Variants in AKAP6 observed in about 807,000 individuals in gnomAD.
The protein encoded by AKAP6 is A-kinase anchoring protein 6, also known as A-kinase anchor protein 6.
In AKAP6, 58 loss-of-function variants were observed where a neutral mutation model predicts 188.5. The ratio of observed to expected loss-of-function variants is 0.31; its 90% CI spans 0.25 to 0.38. The LOEUF (loss-of-function observed/expected upper bound fraction) is 0.38, where lower values mean the gene tolerates loss of function less well. Ranked by LOEUF, AKAP6 falls within the 10% of genes least tolerant of loss-of-function variation. AKAP6 has a pLI of 1.00. For synonymous variants in AKAP6, 989 were observed against 998.6 expected, an observed-to-expected ratio of 0.99 and a Z score of 0.18; for missense variants, 2,710 against 2,740.0, an observed-to-expected ratio of 0.99 and a Z score of 0.24.
At chr14:32,632,804 G>C (rs1887331536) in intron 7 of AKAP6, among the ~76,000 whole-genome samples, 1 of 152,020 alleles carries the variant, frequency 6.6e-6, no homozygotes, top group African/African-American at 2.4e-5. Context: ...CCAAAGAAAG[G>C]CTTGGAAATG....
At chr14:32,547,804 A>G (rs1365668877) in intron 4 of AKAP6, among the ~76,000 whole-genome samples, 1 of 151,374 alleles carries the variant, frequency 6.6e-6, no homozygotes, top group East Asian at 1.9e-4. Flanking sequence ...TGGTCATGCC[A>G]CTGCACTCCA....
intron 9 of AKAP6, among the ~76,000 whole-genome samples, chr14:32,709,488 C>T (rs1890951868): frequency 6.6e-6 from 1 of 151,912 alleles, no homozygotes; most frequent in East Asian, 1.9e-4. Context: ...CCTGAATATT[C>T]CAAAGTTGAT....
At chr14:32,680,867 T>C (rs1222399251) in intron 8 of AKAP6, among the ~76,000 whole-genome samples, 1 of 152,202 alleles carries the variant, frequency 6.6e-6, no homozygotes, top group African/African-American at 2.4e-5. Context: ...CAGTTATGAA[T>C]ATATGTGATA....
At chr14:32,435,736 C>G (rs755787003) in intron 2 of AKAP6, among the ~76,000 whole-genome samples, 1 of 152,140 alleles carries the variant, frequency 6.6e-6, no homozygotes, top group East Asian at 1.9e-4. Flanking sequence ...GGATGTCTAT[C>G]ATGACTTTTC....
chr14:32,424,359 TCTG>T (rs1318221119), intron 1 of AKAP6, among the ~76,000 whole-genome samples: 1 of 152,004 alleles, frequency 6.6e-6, no homozygotes, highest in Non-Finnish European at 1.5e-5. Context: ...CACTCAATTA[TCTG>T]CTGATTCTCC....
chr14:32,417,645 A>T (rs1282468825), intron 1 of AKAP6, among the ~76,000 whole-genome samples: 1 of 152,196 alleles, frequency 6.6e-6, no homozygotes, highest in Admixed American at 6.5e-5. Flanking sequence ...GCTTAACTGT[A>T]GTGTAAAAAC....
intron 1 of AKAP6, among the ~76,000 whole-genome samples, chr14:32,373,790 C>T (rs547363013): frequency 2.0e-5 from 3 of 152,224 alleles, no homozygotes; most frequent in Admixed American, 6.5e-5. Context: ...TTTGCAAAGG[C>T]GGTTCCATAA....
chr14:32,666,900 C>G (rs568997919), intron 7 of AKAP6, among the ~76,000 whole-genome samples: 4 of 152,036 alleles, frequency 2.6e-5, no homozygotes, highest in East Asian at 1.9e-4. Context: ...ATGTAACTAG[C>G]CTTACACAGG....
At position 32,649,543 on chromosome 14, in the gene AKAP6, A is replaced by G. The variant is rs1210843545; in HGVS notation, c.2731-28768A>G. ...AAGTGAAAAGTTACAATAAACTCCA[A>G]TGTAATTTTGTTGTTATTTTGTGTT... On this transcript the variant is annotated intron_variant, in intron 7 of 13. Coordinates refer to ENST00000280979, the MANE Select transcript of AKAP6 (RefSeq NM_004274.5). Among the ~76,000 whole-genome samples the G allele has an allele frequency of 1.3e-5, 2 of 152,144 alleles. 1 individual carries two copies.
At chr14:32,800,049 C>CTG (rs148176143) in intron 12 of AKAP6, among the ~76,000 whole-genome samples, 8 of 121,452 alleles carry the variant, frequency 6.6e-5, no homozygotes, top group Non-Finnish European at 1.2e-4. Context: ...GTCTCTCTCT[C>CTG]TCTCTCTCTC....
intron 2 of AKAP6, among the ~76,000 whole-genome samples, chr14:32,454,133 A>G (rs1427419104): frequency 1.3e-5 from 2 of 152,196 alleles, no homozygotes; most frequent in African/African-American, 4.8e-5. Flanking sequence ...CCAGATGGCC[A>G]AGTCCTCTCA....
At chr14:32,479,850 T>C (rs1879249691) in intron 2 of AKAP6, among the ~76,000 whole-genome samples, 1 of 152,198 alleles carries the variant, frequency 6.6e-6, no homozygotes, top group African/African-American at 2.4e-5. Context: ...CACCTTGATC[T>C]GGGACTTCCC....
At chr14:32,769,403 C>T (rs2032827882) in intron 11 of AKAP6, among the ~76,000 whole-genome samples, 1 of 152,186 alleles carries the variant, frequency 6.6e-6, no homozygotes, top group South Asian at 2.1e-4. Flanking sequence ...CTTCCCTTCT[C>T]TCTCCAGCTA....
At position 32,463,699 on chromosome 14, in the gene AKAP6, C is replaced by T. The variant is rs559238640; in HGVS notation, c.324+29882C>T. Among the ~76,000 whole-genome samples the T allele has an allele frequency of 2.0e-5, 3 of 151,954 alleles. No individual in the cohort carries two copies. In the South Asian group the frequency reaches 6.2e-4, roughly 32 times the overall value. On this transcript the variant is annotated intron_variant, in intron 2 of 13. Transcript: ENST00000280979. ...CATCACAATAAAAGAACTAGAGAAG[C>T]AAGAACAAATTCCAAACCTAGAAGA...
At chr14:32,827,963 T>A (rs560716261) in intron 13 of AKAP6, among the ~76,000 whole-genome samples, 63 of 152,158 alleles carry the variant, frequency 4.1e-4, no homozygotes, top group Admixed American at 1.6e-3. Flanking sequence ...TGTTTTACTA[T>A]GTGTATGTGT....
At chr14:32,403,021 T>G (rs1889151189) in intron 1 of AKAP6, 1 of 152,204 alleles carries the variant, frequency 6.6e-6, no homozygotes, top group South Asian at 2.1e-4. Context: ...TGTGAGCCAC[T>G]GCGCTCGGCT....
intron 1 of AKAP6, among the ~76,000 whole-genome samples, chr14:32,398,780 TTCTCTCTC>T (rs55959454): frequency 0.78 from 102,763 of 131,202 alleles, 42,134 homozygotes; most frequent in Non-Finnish European, 0.89. Flanking sequence ...TTCTTTTCTT[TTCTCTCTC>T]TCTCTCTCTC....
At chr14:32,694,728 C>CA (rs1555353167) in intron 8 of AKAP6, among the ~76,000 whole-genome samples, 1 of 139,468 alleles carries the variant, frequency 7.2e-6, no homozygotes, top group Non-Finnish European at 1.6e-5. Context: ...TATTCCCCCC[C>CA]ACCCCATCAC....
chr14:32,402,315 G>A (rs961735852), intron 1 of AKAP6, among the ~76,000 whole-genome samples: 7 of 152,148 alleles, frequency 4.6e-5, no homozygotes, highest in Non-Finnish European at 7.3e-5. Context: ...TGTGGCGTGA[G>A]GCACACTATC....
Sources: gnomAD v4.1 joint callset for allele counts (sites outside exome capture counted in the v4.1 genomes callset) on GRCh38, gnomAD v4.1.1 for gene constraint, MANE v1.5 for transcripts, NCBI Gene and HGNC (gene_info 2026-07-23, HGNC 2026-07-21) for gene names.